Variants in PPP1R14C observed in about 807,000 individuals in gnomAD.
The protein encoded by PPP1R14C is protein phosphatase 1 regulatory inhibitor subunit 14C.
A neutral mutation model predicts 20.4 loss-of-function variants in PPP1R14C; 16 were observed. The ratio of observed to expected loss-of-function variants is 0.78; its 90% CI spans 0.53 to 1.19. The LOEUF is 1.19. PPP1R14C is among the 50% of genes most tolerant of loss of function. The pLI is 0.00. For missense variants in PPP1R14C, 211 were observed against 220.1 expected (o/e 0.96, Z 0.26); for synonymous variants, 91 against 91.0 (o/e 1.00, Z 0.00).
intron 1 of PPP1R14C, among the ~76,000 whole-genome samples, chr6:150,170,574 G>A (rs111298899): frequency 0.074 from 11,199 of 151,958 alleles, 464 homozygotes; most frequent in Non-Finnish European, 0.079. Context: ...CGCCCGCCTC[G>A]GCCTCCCAAA....
intron 3 of PPP1R14C, among the ~76,000 whole-genome samples, chr6:150,246,315 C>A (rs1286617296): frequency 6.7e-6 from 1 of 150,080 alleles, no homozygotes. Flanking sequence ...AAAAAAAAAA[C>A]AAGCTTACAT....
chr6:150,249,456 C>G lies in PPP1R14C; in HGVS notation c.*636C>G, dbSNP rs549247344. On this transcript the variant is annotated 3_prime_UTR_variant, in exon 4 of 4. Coordinates refer to ENST00000361131, the MANE Select transcript of PPP1R14C (RefSeq NM_030949.3). The stretch of plus-strand genomic sequence containing the variant: ...TCAGTGTATCCGTTATTTTAATGCA[C>G]TACACCACAGAAATGTTAAGTTGGT... 2.5e-6 allele frequency: 1 copy of G among 398,630 alleles called. No individual in the cohort carries two copies. The highest frequency in any genetic ancestry group is 4.4e-5 in the Admixed American group (1 of 22,732). The allele number at this position is 398,630 out of a possible 1,614,324, so 24.7% of individuals were successfully genotyped here.
chr6:150,230,032 A>G (rs1385726086), intron 3 of PPP1R14C, among the ~76,000 whole-genome samples: 1 of 152,126 alleles, frequency 6.6e-6, no homozygotes, highest in East Asian at 1.9e-4. Context: ...ATCAGTACTG[A>G]TTCAACTGCC....
At chr6:150,175,614 C>T (rs6909678) in intron 1 of PPP1R14C, among the ~76,000 whole-genome samples, 43,822 of 152,028 alleles carry the variant, frequency 0.29, 6,861 homozygotes, top group East Asian at 0.57. Flanking sequence ...AAGGAAGTTA[C>T]TTTGACATCT....
rs1397594671 is a variant in PPP1R14C at position 150,143,728 on chromosome 6, G to A, written c.306+230G>A. On this transcript the variant is annotated intron_variant, in intron 1 of 3. Coordinates refer to ENST00000361131, the MANE Select transcript of PPP1R14C (RefSeq NM_030949.3). This position sits in a 1 kb window ranked among gnomAD's most constrained non-coding sequence, Gnocchi z 5.6. ...GCTGCCGGTGCCCGGGGATCTGCGG[G>A]CCCCCTTGGTGGCCGTGGGGAGGGT... is the stretch of plus-strand genomic sequence containing the variant. Among the ~76,000 whole-genome samples the A allele has an allele frequency of 2.0e-5, 3 of 152,146 alleles. No homozygotes were observed. The highest frequency in any genetic ancestry group is 2.1e-4 in the South Asian group (1 of 4,834).
chr6:150,178,510 A>C (rs1231456637), intron 1 of PPP1R14C, among the ~76,000 whole-genome samples: 2 of 152,222 alleles, frequency 1.3e-5, no homozygotes, highest in African/African-American at 2.4e-5. Flanking sequence ...TCATTTCTTC[A>C]GTTCAGGTAA....
chr6:150,248,485 G>A (rs1213733966), intron 3 of PPP1R14C, among the ~76,000 whole-genome samples: 1 of 152,214 alleles, frequency 6.6e-6, no homozygotes, highest in African/African-American at 2.4e-5. Context: ...TGCCTCAGGG[G>A]CCAAGTAGGT....
chr6:150,155,613 T>G (rs966141306), intron 1 of PPP1R14C, among the ~76,000 whole-genome samples: 1 of 152,226 alleles, frequency 6.6e-6, no homozygotes, highest in African/African-American at 2.4e-5. Flanking sequence ...TGAGCAAATC[T>G]TTTTTGTTTG....
At chr6:150,219,718 C>G (rs981794974) in intron 3 of PPP1R14C, among the ~76,000 whole-genome samples, 1 of 152,160 alleles carries the variant, frequency 6.6e-6, no homozygotes. Context: ...TTATTCTACT[C>G]TCTGCATTGT....
intron 3 of PPP1R14C, among the ~76,000 whole-genome samples, chr6:150,234,411 AC>A (rs1778329442): frequency 6.6e-6 from 1 of 151,084 alleles, no homozygotes; most frequent in Non-Finnish European, 1.5e-5. Context: ...GAAACAAACA[AC>A]AAAAAAAAGA....
At chr6:150,232,097 T>A (rs911748488) in intron 3 of PPP1R14C, among the ~76,000 whole-genome samples, 7 of 152,236 alleles carry the variant, frequency 4.6e-5, no homozygotes, top group Admixed American at 2.0e-4. Context: ...ACACCTGGTA[T>A]TGCTAAGTGT....
Position 150,177,835 on chromosome 6 carries a change from C to T in PPP1R14C, c.306+34337C>T, listed in dbSNP as rs116133283. ...CCGGACTGCAGCAGAACCCCAGTGA[C>T]TGTCCCAACAAGAGGCCGGGACAGA... On this transcript the variant is annotated intron_variant, in intron 1 of 3. Coordinates refer to ENST00000361131, the MANE Select transcript of PPP1R14C (RefSeq NM_030949.3). Among the ~76,000 whole-genome samples the T allele has an allele frequency of 8.6e-3, 1,310 of 152,308 alleles. 19 individuals are homozygous for T. Among genetic ancestry groups the T allele is most frequent in the African/African-American group, 0.03 (1,262 of 41,568 alleles).
At chr6:150,151,746 C>A (rs1777250254) in intron 1 of PPP1R14C, among the ~76,000 whole-genome samples, 2 of 152,184 alleles carry the variant, frequency 1.3e-5, no homozygotes, top group South Asian at 4.1e-4. Flanking sequence ...GAAGTTGTCC[C>A]TTGTCCTTGT....
chr6:150,229,160 A>G (rs1427898351), intron 3 of PPP1R14C, among the ~76,000 whole-genome samples: 1 of 152,242 alleles, frequency 6.6e-6, no homozygotes, highest in East Asian at 1.9e-4. Context: ...TTCTATGTCT[A>G]TAACAGAGAT....
At chr6:150,157,240 C>T (rs1459641654) in intron 1 of PPP1R14C, among the ~76,000 whole-genome samples, 2 of 152,216 alleles carry the variant, frequency 1.3e-5, no homozygotes, top group East Asian at 3.8e-4. Context: ...GTTAAAACCA[C>T]AACTCCGAGG....
At chr6:150,170,726 T>G (rs1424017280) in intron 1 of PPP1R14C, among the ~76,000 whole-genome samples, 1 of 149,902 alleles carries the variant, frequency 6.7e-6, no homozygotes, top group Non-Finnish European at 1.5e-5. Context: ...GAGAGAAGAG[T>G]GATACGTGAT....
At chr6:150,161,295 A>G (rs1265657614) in intron 1 of PPP1R14C, among the ~76,000 whole-genome samples, 1 of 152,124 alleles carries the variant, frequency 6.6e-6, no homozygotes, top group Non-Finnish European at 1.5e-5. Context: ...AAGACGAAGA[A>G]AAAAGAAAAG....
intron 1 of PPP1R14C, among the ~76,000 whole-genome samples, chr6:150,209,077 A>T (rs1416116594): frequency 6.6e-6 from 1 of 152,204 alleles, no homozygotes; most frequent in Non-Finnish European, 1.5e-5. Context: ...GGCCATAATA[A>T]GCTGACATTT....
At chr6:150,235,694 T>C (rs1695461499) in intron 3 of PPP1R14C, among the ~76,000 whole-genome samples, 2 of 152,146 alleles carry the variant, frequency 1.3e-5, no homozygotes, top group Non-Finnish European at 2.9e-5. Flanking sequence ...CTCCTTCCCC[T>C]CCTCTTTCTT....
Sources: gnomAD v4.1 joint callset for allele counts (sites outside exome capture counted in the v4.1 genomes callset) on GRCh38, gnomAD v4.1.1 for gene constraint, Gnocchi (gnomAD v3.1) non-coding constraint, MANE v1.5 for transcripts, NCBI Gene and HGNC (gene_info 2026-07-23, HGNC 2026-07-21) for gene names.